CACNA2D1: variants seen among roughly 807,000 people sequenced by gnomAD.
The protein encoded by CACNA2D1 is calcium voltage-gated channel auxiliary subunit alpha2delta 1.
A neutral mutation model predicts 171.5 loss-of-function variants in CACNA2D1; 53 were observed. That is an observed-to-expected ratio of 0.31 (90% CI 0.25 to 0.39). The LOEUF (loss-of-function observed/expected upper bound fraction) is 0.39. Among genes scored for constraint, CACNA2D1 ranks in the 10% least tolerant of loss-of-function variants. The pLI, the probability that CACNA2D1 is intolerant of heterozygous loss-of-function variation, is 1.00. For synonymous variants in CACNA2D1, 442 were observed against 443.1 expected (o/e 1.00, Z 0.03); for missense variants, 903 against 1,299.8 (o/e 0.69, Z 4.69).
intron 24 of CACNA2D1, among the ~76,000 whole-genome samples, chr7:81,978,373 T>A (rs781082342): frequency 5.9e-5 from 9 of 152,108 alleles, no homozygotes; most frequent in Non-Finnish European, 8.8e-5. Flanking sequence ...AAAGAAAATA[T>A]AACACAAATG....
intron 3 of CACNA2D1, among the ~76,000 whole-genome samples, chr7:82,201,775 A>T (rs1011561108): frequency 6.6e-6 from 1 of 152,206 alleles, no homozygotes; most frequent in Non-Finnish European, 1.5e-5. Context: ...CACTGATGTG[A>T]GACTGATTTT....
chr7:82,345,008 T>C (rs2129445336), intron 2 of CACNA2D1, among the ~76,000 whole-genome samples: 1 of 152,262 alleles, frequency 6.6e-6, no homozygotes, highest in East Asian at 1.9e-4. Flanking sequence ...ATCTTTCTTG[T>C]TGCCTGCGCG....
At position 81,950,527 on chromosome 7, in the gene CACNA2D1, GAAAA is replaced by G. The variant is rs777223558; in HGVS notation, c.3160-23_3160-20del. ...AATCCTCCTGTTGTTAAAAAAAAAA[GAAAA>G]GAACAGAAAAAGAAAAATCTAAAAA... On this transcript the variant is annotated intron_variant, in intron 38 of 38. Coordinates refer to ENST00000356860, the MANE Select transcript of CACNA2D1 (RefSeq NM_000722.4). 2.7e-5 allele frequency: 42 copies of G among 1,577,756 alleles called. 1 individual carries two copies. In the East Asian group the frequency reaches 9.1e-4, roughly 34 times the overall value.
rs184415349 is a variant in CACNA2D1 at position 82,203,649 on chromosome 7, G to A, written c.295-33040C>T. Among the ~76,000 whole-genome samples the A allele has an allele frequency of 1.8e-4, 27 of 152,342 alleles. 1 individual carries two copies. The highest frequency in any genetic ancestry group is 9.1e-4 in the Admixed American group (14 of 15,302). On this transcript the variant is annotated intron_variant, in intron 3 of 38. Transcript: ENST00000356860. ...GCACCTATTTGAGCTGCACGTGCAT[G>A]TGACCACAGATGGTTTTGGCTGGAG... is the stretch of plus-strand genomic sequence containing the variant.
At chr7:81,978,454 T>C (rs1222478126) in intron 24 of CACNA2D1, among the ~76,000 whole-genome samples, 2 of 151,982 alleles carry the variant, frequency 1.3e-5, no homozygotes, top group African/African-American at 4.8e-5. Flanking sequence ...CTGGAAGCCA[T>C]CATTCTCAGC....
In CACNA2D1 at chr7:82,249,383, C is replaced by A. The variant is rs575817550; in HGVS notation, c.295-78774G>T. 4.6e-5 allele frequency among the ~76,000 whole-genome samples: 7 copies of A among 152,116 alleles called. No homozygotes were observed. In the South Asian group the frequency reaches 1.5e-3, roughly 32 times the overall value. On this transcript the variant is annotated intron_variant, in intron 3 of 38. Transcript: ENST00000356860. The stretch of plus-strand genomic sequence containing the variant: ...ATAAAATAAAAAGCACACAATAATC[C>A]GGGAATGGAATTCTTTGCAGGATCA...
intron 18 of CACNA2D1, chr7:82,001,694 T>A (rs1798616545): frequency 2.4e-6 from 3 of 1,262,726 alleles, no homozygotes; most frequent in Non-Finnish European, 3.1e-6. Flanking sequence ...AAATTAATTG[T>A]TGGTATACCT....
intron 3 of CACNA2D1, among the ~76,000 whole-genome samples, chr7:82,173,366 T>C (rs1584999564): frequency 1.3e-5 from 2 of 152,080 alleles, no homozygotes; most frequent in South Asian, 2.1e-4. Flanking sequence ...AAGTTATGTA[T>C]ACCAAAGAAG....
chr7:82,110,487 C>T (rs189460663), intron 6 of CACNA2D1, among the ~76,000 whole-genome samples: 2 of 151,398 alleles, frequency 1.3e-5, no homozygotes, highest in Admixed American at 6.6e-5. Context: ...AAGAAATACA[C>T]GTCTGTTATT....
At chr7:82,060,201 T>TAATATATATATATAA (rs747843223) in intron 10 of CACNA2D1, among the ~76,000 whole-genome samples, 2 of 10,396 alleles carry the variant, frequency 1.9e-4, no homozygotes, top group Non-Finnish European at 2.6e-4. Flanking sequence ...TATATATATA[T>TAATATATATATATAA]TATATATATA....
intron 4 of CACNA2D1, among the ~76,000 whole-genome samples, chr7:82,137,730 A>AAAAAAAAAAAAAAAG (rs1791824087): frequency 7.0e-6 from 1 of 143,858 alleles, no homozygotes; most frequent in Non-Finnish European, 1.5e-5. Flanking sequence ...AAAAAAAAAA[A>AAAAAAAAAAAAAAAG]TTAGCCGGGC....
intron 7 of CACNA2D1, among the ~76,000 whole-genome samples, chr7:82,071,392 A>G (rs1808304319): frequency 6.6e-6 from 1 of 152,098 alleles, no homozygotes; most frequent in South Asian, 2.1e-4. Flanking sequence ...TCTCACTCTC[A>G]TTTTGCAGAT....
chr7:82,432,620 C>A (rs988617175), intron 1 of CACNA2D1, among the ~76,000 whole-genome samples: 2 of 152,184 alleles, frequency 1.3e-5, no homozygotes, highest in Non-Finnish European at 2.9e-5. Context: ...AGCCTACAAG[C>A]GAGCCCTCGC....
intron 1 of CACNA2D1, among the ~76,000 whole-genome samples, chr7:82,373,912 G>T (rs1822713141): frequency 6.6e-6 from 1 of 152,180 alleles, no homozygotes; most frequent in Non-Finnish European, 1.5e-5. Flanking sequence ...TACGAAAAAA[G>T]TAAATCATAG....
intron 3 of CACNA2D1, among the ~76,000 whole-genome samples, chr7:82,246,212 T>C (rs1475107257): frequency 6.7e-6 from 1 of 148,618 alleles, no homozygotes; most frequent in Admixed American, 6.7e-5. Flanking sequence ...TCTTTGCATA[T>C]ATAGATATGT....
At chr7:82,226,357 G>A (rs1802362578) in intron 3 of CACNA2D1, among the ~76,000 whole-genome samples, 1 of 152,120 alleles carries the variant, frequency 6.6e-6, no homozygotes, top group African/African-American at 2.4e-5. Context: ...AACCCTTCAA[G>A]AAAAATATTG....
chr7:82,173,870 C>A (rs987344308), intron 3 of CACNA2D1, among the ~76,000 whole-genome samples: 1 of 151,238 alleles, frequency 6.6e-6, no homozygotes, highest in African/African-American at 2.4e-5. Flanking sequence ...ATAGTGAGAT[C>A]CTGTCTCTAA....
rs561029048 is a variant in CACNA2D1 at position 82,089,844 on chromosome 7, G to A, written c.527-4944C>T. 2.0e-5 allele frequency among the ~76,000 whole-genome samples: 3 copies of A among 152,044 alleles called. No individual in the cohort carries two copies. The East Asian group carries it at 5.8e-4, about 29-fold the overall frequency. On this transcript the variant is annotated intron_variant, in intron 6 of 38. Transcript: ENST00000356860. ...ATGTTGCACTATTGCTCCCTCTTAAGTTTGAATTAAGTTTGTATTAAGTTT... is the reference window on the plus strand; with the variant it reads ...ATGTTGCACTATTGCTCCCTCTTAAATTTGAATTAAGTTTGTATTAAGTTT...
chr7:82,381,447 T>A (rs916009937), intron 1 of CACNA2D1, among the ~76,000 whole-genome samples: 2 of 152,186 alleles, frequency 1.3e-5, no homozygotes, highest in African/African-American at 4.8e-5. Context: ...CAACGATATT[T>A]ATGAAAGACA....
Sources: gnomAD v4.1 joint callset for allele counts (sites outside exome capture counted in the v4.1 genomes callset) on GRCh38, gnomAD v4.1.1 for gene constraint, MANE v1.5 for transcripts, NCBI Gene and HGNC (gene_info 2026-07-23, HGNC 2026-07-21) for gene names.